Variants in PDGFD observed in about 807,000 individuals in gnomAD.
PDGFD encodes platelet derived growth factor D.
Under a neutral mutation model 44.7 loss-of-function variants are expected in PDGFD, and 30 were observed. The observed-to-expected ratio is 0.67, with a 90% CI of 0.50 to 0.91. The LOEUF (loss-of-function observed/expected upper bound fraction) is 0.91, where lower values mean the gene tolerates loss of function less well. PDGFD is among the 40% of genes least tolerant of loss of function. PDGFD has a pLI of 0.00. For synonymous variants in PDGFD, 173 were observed against 168.4 expected, an observed-to-expected ratio of 1.03 and a Z score of -0.21; for missense variants, 445 against 457.8, an observed-to-expected ratio of 0.97 and a Z score of 0.25.
intron 1 of PDGFD, among the ~76,000 whole-genome samples, chr11:104,098,895 T>C (rs989748285): frequency 1.3e-5 from 2 of 152,110 alleles, no homozygotes; most frequent in Non-Finnish European, 2.9e-5. Flanking sequence ...AAATACAAAC[T>C]CTGTTCAGGG....
Position 103,926,985 on chromosome 11 carries a change from T to A in PDGFD, c.914A>T (p.Asn305Ile), listed in dbSNP as rs1356677570. The A allele has an allele frequency of 6.2e-7, 1 of 1,614,190 alleles. No homozygotes were observed. The highest frequency in any genetic ancestry group is 1.1e-5 in the South Asian group (1 of 91,082). Residue 305 changes from asparagine (N) to isoleucine (I), a missense_variant, in exon 6 of 7, where the codon AAT becomes ATT. Coordinates refer to ENST00000393158, the MANE Select transcript of PDGFD (RefSeq NM_025208.5). ...CCAGTTGACAGTTCCACAGCCACAA[T>A]TTCCTCCACAGCGCTGCACGAGGAG... Reference protein sequence around the residue: ...RCLLVQRCGGNCGCGTVNWRS... With the variant: ...RCLLVQRCGGICGCGTVNWRS...
chr11:103,936,714 C>A (rs1381788454), intron 5 of PDGFD, among the ~76,000 whole-genome samples: 2 of 152,078 alleles, frequency 1.3e-5, no homozygotes, highest in African/African-American at 4.8e-5. Flanking sequence ...AACATCTAAC[C>A]ATTTAGAGTC....
chr11:103,975,428 C>A (rs1264463519), intron 3 of PDGFD, among the ~76,000 whole-genome samples: 1 of 152,056 alleles, frequency 6.6e-6, no homozygotes, highest in African/African-American at 2.4e-5. Flanking sequence ...AATTTTTCTC[C>A]CATTCTGTAG....
intron 1 of PDGFD, among the ~76,000 whole-genome samples, chr11:104,033,681 C>T (rs1860166978): frequency 6.6e-6 from 1 of 152,122 alleles, no homozygotes; most frequent in African/African-American, 2.4e-5. Flanking sequence ...CAGTATAATC[C>T]TCCTCGCTAT....
intron 1 of PDGFD, among the ~76,000 whole-genome samples, chr11:104,082,167 A>G (rs759657269): frequency 8.3e-5 from 7 of 84,776 alleles, no homozygotes; most frequent in Admixed American, 2.2e-4. Flanking sequence ...AAAGTCCATT[A>G]AAGTGATAAC....
At position 103,996,360 on chromosome 11, in the gene PDGFD, T is replaced by C. The variant is rs907786543; in HGVS notation, c.330-115A>G. The C allele has an allele frequency of 8.3e-6, 8 of 959,762 alleles. No homozygotes were observed. In the East Asian group the frequency reaches 2.1e-4, roughly 25 times the overall value. The allele number at this position is 959,762 out of a possible 1,614,324, so 59.5% of individuals were successfully genotyped here. A position where few individuals can be genotyped will look rare whatever the true frequency, so the allele number is the denominator to read the frequency against. ...GATTTGTCATGACCACAATCTGAAA[T>C]GAAAATTATAATGTACAGAAATGTT... On this transcript the variant is annotated intron_variant, in intron 2 of 6. Transcript: ENST00000393158.
At chr11:104,021,521 T>C (rs1859952901) in intron 1 of PDGFD, among the ~76,000 whole-genome samples, 1 of 152,098 alleles carries the variant, frequency 6.6e-6, no homozygotes, top group Admixed American at 6.6e-5. Context: ...TTAGGAGTCA[T>C]CCACTGTTTC....
At chr11:104,008,790 C>G (rs912106219) in intron 1 of PDGFD, among the ~76,000 whole-genome samples, 1 of 151,848 alleles carries the variant, frequency 6.6e-6, no homozygotes, top group Non-Finnish European at 1.5e-5. Flanking sequence ...TCAATGTAAC[C>G]CCAGTATATT....
rs1858623478 is a variant in PDGFD at position 103,943,593 on chromosome 11, C to G, written c.631G>C (p.Asp211His). 1 of 1,613,010 alleles carries G rather than the reference C, an allele frequency of 6.2e-7. No homozygotes were observed. The highest frequency in any genetic ancestry group is 1.1e-5 in the South Asian group (1 of 91,018). ...TDPTLIADAL[D>H]KKIAEFDTVE... ...GTATCAAATTCTGCAATTTTTTTGT[C>G]CAGAGCATCCGCAATCAGAGTGGGA... Residue 211 changes from aspartate to histidine, a missense_variant, in exon 5 of 7, where the codon GAC (aspartate) becomes CAC (histidine). Transcript: ENST00000393158.
chr11:103,992,148 A>G (rs190593785), intron 3 of PDGFD, among the ~76,000 whole-genome samples: 1 of 152,196 alleles, frequency 6.6e-6, no homozygotes, highest in Admixed American at 6.5e-5. Context: ...GGTATCTGTT[A>G]TCTTTAATGG....
At chr11:104,141,864 T>C (rs1862090964) in intron 1 of PDGFD, among the ~76,000 whole-genome samples, 2 of 152,122 alleles carry the variant, frequency 1.3e-5, no homozygotes, top group East Asian at 1.9e-4. Context: ...TTTCGACATT[T>C]TTATCTTCAG....
At chr11:104,073,833 T>C (rs361307) in intron 1 of PDGFD, among the ~76,000 whole-genome samples, 151,811 of 152,370 alleles carry the variant, frequency 1, 75,631 homozygotes, top group Middle Eastern at 1. Context: ...TTCTGTTTTG[T>C]TTATCTCCAG....
intron 5 of PDGFD, among the ~76,000 whole-genome samples, chr11:103,933,898 A>G (rs1006344956): frequency 6.6e-6 from 1 of 152,238 alleles, no homozygotes; most frequent in African/African-American, 2.4e-5. Context: ...CCATGAAAGC[A>G]GTAACACCAT....
rs928164138 is a variant in PDGFD, at chr11:103,987,129, A to G, written c.510+8936T>C. Among the ~76,000 whole-genome samples, 3 of 143,464 alleles carry G rather than the reference A, an allele frequency of 2.1e-5. No homozygotes were observed. In the East Asian group the frequency reaches 6.6e-4, roughly 32 times the overall value. The allele number at this position is 143,464 out of a possible 152,430, so 94.1% of individuals were successfully genotyped here. On this transcript the variant is annotated intron_variant, in intron 3 of 6. Transcript: ENST00000393158. ...AATCCTTGAGTTTTTGCAGAGACTG[A>G]TTTGAGTAATAATAAATCTCTGGTC...
intron 1 of PDGFD, among the ~76,000 whole-genome samples, chr11:104,155,367 T>C (rs1333985741): frequency 1.3e-5 from 2 of 152,162 alleles, no homozygotes; most frequent in Non-Finnish European, 1.5e-5. Context: ...CGGAGACAGA[T>C]TGGAGCTATT....
At chr11:104,154,865 C>T (rs1388305703) in intron 1 of PDGFD, among the ~76,000 whole-genome samples, 2 of 152,136 alleles carry the variant, frequency 1.3e-5, no homozygotes, top group Non-Finnish European at 2.9e-5. Context: ...TAACAGAGAC[C>T]ATATGGCCTG....
rs1444768322 is a variant in PDGFD, at chr11:103,910,482, C to T, written c.988-663G>A. Among the ~76,000 whole-genome samples the T allele has an allele frequency of 8.5e-5, 13 of 152,236 alleles. No homozygotes were observed. In the East Asian group the frequency reaches 9.7e-4, roughly 11 times the overall value. ...GCAGGGTGGGGTGTCCCCTCAGCCG[C>T]GAAGTGCAAGGGGGTGGGGGATCTC... On this transcript the variant is annotated intron_variant, in intron 6 of 6. Transcript: ENST00000393158.
chr11:104,134,710 T>C (rs1428834078), intron 1 of PDGFD, among the ~76,000 whole-genome samples: 1 of 152,194 alleles, frequency 6.6e-6, no homozygotes, highest in Non-Finnish European at 1.5e-5. Context: ...AGATGTCTCC[T>C]GGAAGTTGAG....
At chr11:104,132,979 T>G (rs986252310) in intron 1 of PDGFD, among the ~76,000 whole-genome samples, 3 of 152,130 alleles carry the variant, frequency 2.0e-5, no homozygotes, top group African/African-American at 7.2e-5. Flanking sequence ...CTTGCTTACA[T>G]AAAAATCAGA....
Sources: allele counts gnomAD v4.1 joint callset (sites outside exome capture counted in the v4.1 genomes callset), GRCh38; gene constraint gnomAD v4.1.1; transcripts MANE v1.5; gene names NCBI Gene and HGNC (gene_info 2026-07-23, HGNC 2026-07-21).